NUCB1: variants seen among roughly 807,000 people sequenced by gnomAD.
NUCB1 encodes nucleobindin-1.
Under a neutral mutation model 61.2 loss-of-function variants are expected in NUCB1, and 47 were observed. The ratio of observed to expected loss-of-function variants is 0.77; its 90% confidence interval spans 0.61 to 0.98. The LOEUF (loss-of-function observed/expected upper bound fraction) is 0.98. Ranked by LOEUF, NUCB1 falls within the 50% of genes least tolerant of loss-of-function variation. NUCB1 has a pLI of 0.00. For missense variants in NUCB1, 583 were observed against 605.3 expected, an observed-to-expected ratio of 0.96 and a Z score of 0.39; for synonymous variants, 234 against 243.1, an observed-to-expected ratio of 0.96 and a Z score of 0.35.
intron 10 of NUCB1, among the ~76,000 whole-genome samples, 170 bp from the exon 11 acceptor site, chr19:48,920,982 TTG>T (rs1030279573): frequency 6.6e-6 from 1 of 152,166 alleles, no homozygotes; most frequent in African/African-American, 2.4e-5. Context: ...GTGCCCGGCC[TTG>T]TCTCTCGGTC....
At chr19:48,914,002 C>G (rs1314378287) in intron 7 of NUCB1, among the ~76,000 whole-genome samples, 1 of 142,636 alleles carries the variant, frequency 7.0e-6, no homozygotes, top group Non-Finnish European at 1.5e-5. Context: ...GAGTCTTGCT[C>G]TGTTGCCCAG....
intron 5 of NUCB1, among the ~76,000 whole-genome samples, chr19:48,912,562 G>A (rs1453549851): frequency 3.3e-5 from 5 of 152,086 alleles, no homozygotes; most frequent in East Asian, 1.9e-4. Flanking sequence ...CAGGCTGTGC[G>A]CGATGGCTCA....
Position 48,900,894 on chromosome 19 carries a change from C to T in NUCB1, c.98C>T (p.Ala33Val), listed in dbSNP as rs369287228. Residue 33 changes from alanine to valine, a missense_variant, in exon 2 of 13, where the codon GCG (alanine) becomes GTG (valine). Physicochemically the swap from Ala to Val is moderately conservative, Grantham distance 64. Coordinates refer to ENST00000405315, the MANE Select transcript of NUCB1 (RefSeq NM_006184.6). ...AVLAVPLERG[A>V]PNKEETPATE... ...CTGGCTGTCCCCCTGGAGCGAGGGG[C>T]GCCCAACAAGGAGGAGACCCCTGCG... 24 of 1,613,792 alleles carry T rather than the reference C, an allele frequency of 1.5e-5. No individual in the cohort carries two copies. The highest frequency in any genetic ancestry group is 2.7e-5 in the African/African-American group (2 of 74,944).
At chr19:48,911,400 CTTTTCTTTTT>C (rs2037471176) in intron 5 of NUCB1, 148 bp downstream of exon 5, 8 of 397,106 alleles carry the variant, frequency 2.0e-5, no homozygotes, top group East Asian at 4.5e-5. Flanking sequence ...CGTTTCTTTT[CTTTTCTTTTT>C]TTTTTTTTTT....
At chr19:48,912,943 C>A in intron 5 of NUCB1, 68 bp from the exon 6 acceptor site, 1 of 1,303,364 alleles carries the variant, frequency 7.7e-7, no homozygotes, top group East Asian at 2.4e-5. Flanking sequence ...AAGGGCCTGC[C>A]ATTTACAGGC....
intron 7 of NUCB1, among the ~76,000 whole-genome samples, 192 bp downstream of exon 7, chr19:48,913,756 G>A (rs1447417884): frequency 6.6e-6 from 1 of 152,088 alleles, no homozygotes; most frequent in Non-Finnish European, 1.5e-5. Context: ...GGAAGGGTTG[G>A]GCCTCTTTTC....
At chr19:48,910,486 G>C (rs1488230794) in intron 4 of NUCB1, among the ~76,000 whole-genome samples, 1 of 151,294 alleles carries the variant, frequency 6.6e-6, no homozygotes, top group Non-Finnish European at 1.5e-5. Context: ...AGGAGTTCAA[G>C]ACCAGCCTGG....
chr19:48,906,378 T>C (rs1439469038), intron 4 of NUCB1, among the ~76,000 whole-genome samples: 1 of 142,296 alleles, frequency 7.0e-6, no homozygotes, highest in African/African-American at 2.7e-5. Flanking sequence ...CACTCCAGCC[T>C]GGACAACAGA....
intron 4 of NUCB1, 188 bp from the exon 5 acceptor site, chr19:48,910,958 GTTA>G (rs2037464781): frequency 3.8e-6 from 2 of 529,684 alleles, no homozygotes; most frequent in East Asian, 6.5e-5. Context: ...TTTTATTATG[GTTA>G]TTATTGTAAG....
At chr19:48,910,361 C>T (rs972462806) in intron 4 of NUCB1, among the ~76,000 whole-genome samples, 8 of 122,942 alleles carry the variant, frequency 6.5e-5, no homozygotes, top group South Asian at 3.5e-4. Flanking sequence ...CAGGCGTGAG[C>T]CACCGCACCC....
Position 48,904,403 on chromosome 19 carries a change from G to A in NUCB1, c.192G>A (p.Thr64=), listed in dbSNP as rs1058483. 224,503 of 1,612,260 alleles carry A rather than the reference G, an allele frequency of 0.14. 17,686 individuals are homozygous for A. Among genetic ancestry groups the A allele is most frequent in the Non-Finnish European group, 0.16 (189,067 of 1,178,582 alleles). The part of the protein sequence containing the change: ...YLQEVIDVLE[T]DGHFREKLQA... ...AGGAGGTCATCGATGTACTGGAGAC[G>A]GATGGGCATTTCCGAGAGAAGCTGC... Residue 64 remains threonine, a synonymous_variant, in exon 3 of 13, where the codon ACG becomes ACA. Coordinates refer to ENST00000405315, the MANE Select transcript of NUCB1 (RefSeq NM_006184.6).
In NUCB1 at chr19:48,911,257, TG is replaced by T. The variant is rs888230521; in HGVS notation, c.480+8del. Reference sequence around the variant, plus strand: ...CTGGAGCTGCTGATCCAGACGGTAATGGGAGTGGGTCCGGAGGCAGAGGATT... The same window carrying T: ...CTGGAGCTGCTGATCCAGACGGTAATGGAGTGGGTCCGGAGGCAGAGGATT... On this transcript the variant is annotated splice_donor_region_variant and intron_variant, in intron 5 of 12. Transcript: ENST00000405315. 1.9e-6 allele frequency: 3 copies of T among 1,605,558 alleles called. No homozygotes were observed. In the Admixed American group the frequency reaches 5.0e-5, roughly 27 times the overall value.
chr19:48,902,878 A>C (rs540778182), intron 2 of NUCB1, among the ~76,000 whole-genome samples: 1 of 151,690 alleles, frequency 6.6e-6, no homozygotes, highest in South Asian at 2.1e-4. Context: ...GAGGGAGGGG[A>C]GAGGGGGATT....
At chr19:48,900,745 G>A in intron 1 of NUCB1, 41 bp from the exon 2 acceptor site, 3 of 1,595,920 alleles carry the variant, frequency 1.9e-6, no homozygotes, top group Non-Finnish European at 2.6e-6. Flanking sequence ...AAGAGGCTTG[G>A]GACAGACATT....
At chr19:48,921,037 C>T in intron 10 of NUCB1, 117 bp from the exon 11 acceptor site, 1 of 1,145,194 alleles carries the variant, frequency 8.7e-7, no homozygotes, top group Non-Finnish European at 1.2e-6. Flanking sequence ...TTTGCCCACC[C>T]ACATGGCCCT....
intron 4 of NUCB1, chr19:48,910,869 G>T: frequency 3.8e-6 from 1 of 263,848 alleles, no homozygotes; most frequent in Non-Finnish European, 7.4e-6. Flanking sequence ...TCAGGATTTT[G>T]TGGAAAGTGA....
At position 48,905,679 on chromosome 19, in the gene NUCB1, GA is replaced by G; in HGVS notation, c.244-71del. Reference sequence around the variant, plus strand: ...GGGGCAGTATAAGACTGGGGCATGAGAAAGCTTATAAGAAGCTTCCAGAGAA... The same window carrying G: ...GGGGCAGTATAAGACTGGGGCATGAGAAGCTTATAAGAAGCTTCCAGAGAA... On this transcript the variant is annotated intron_variant, in intron 3 of 12. Transcript: ENST00000405315. 3 of 1,576,410 alleles carry G rather than the reference GA, an allele frequency of 1.9e-6. No individual in the cohort carries two copies. In the Admixed American group the frequency reaches 5.1e-5, roughly 27 times the overall value.
intron 4 of NUCB1, among the ~76,000 whole-genome samples, chr19:48,908,194 G>A (rs985747998): frequency 2.6e-5 from 4 of 152,046 alleles, no homozygotes; most frequent in South Asian, 2.1e-4. Flanking sequence ...GCAGTGGCGC[G>A]ATCTCGGCTC....
Position 48,900,837 on chromosome 19 carries a change from C to T in NUCB1, c.41C>T (p.Pro14Leu), listed in dbSNP as rs2037346052. ...CCCCGAGGAACCCTCCTTCTGTTGC[C>T]GCTGCTGCTGCTGCTCCTGCTTCGC... ...SGPRGTLLLL[P>L]LLLLLLLRAV... The change falls in exon 2 of 13, where the codon CCG becomes CTG. Residue 14 changes from proline (P) to leucine (L), a missense_variant. Physicochemically the swap from Pro to Leu is moderately conservative, Grantham distance 98. Coordinates refer to ENST00000405315, the MANE Select transcript of NUCB1 (RefSeq NM_006184.6). 2 of 1,613,846 alleles carry T rather than the reference C, an allele frequency of 1.2e-6. No homozygotes were observed. The highest frequency in any genetic ancestry group is 1.7e-6 in the Non-Finnish European group (2 of 1,179,992).
Sources: allele counts gnomAD v4.1 joint callset (sites outside exome capture counted in the v4.1 genomes callset), GRCh38; gene constraint gnomAD v4.1.1; transcripts MANE v1.5; gene names NCBI Gene and HGNC (gene_info 2026-07-23, HGNC 2026-07-21).